EPHB1: variants seen among roughly 807,000 people sequenced by gnomAD.
EPHB1 encodes the protein ephrin type-B receptor 1.
EPHB1 carries 30 observed loss-of-function variants against 94.4 expected under a neutral mutation model. The observed-to-expected ratio is 0.32, with a 90% CI of 0.24 to 0.43. The LOEUF is 0.43. Ranked by LOEUF, EPHB1 falls within the 20% of genes least tolerant of loss-of-function variation. The pLI, the probability that EPHB1 is intolerant of heterozygous loss-of-function variation, is 1.00. For missense variants in EPHB1, 1,055 were observed against 1,308.3 expected, an observed-to-expected ratio of 0.81 and a Z score of 2.99; for synonymous variants, 522 against 489.1, an observed-to-expected ratio of 1.07 and a Z score of -0.89.
At chr3:134,860,172 G>GACACACACACACACACACACACACAC (rs71139560) in intron 1 of EPHB1, among the ~76,000 whole-genome samples, 1 of 139,148 alleles carries the variant, frequency 7.2e-6, no homozygotes, top group African/African-American at 2.6e-5. Flanking sequence ...CACACACACA[G>GACACACACACACACACACACACACAC]ACACACACAC....
At position 135,132,867 on chromosome 3, in the gene EPHB1, G is replaced by A. The variant is rs373296912; in HGVS notation, c.1115G>A (p.Arg372His). The A allele has an allele frequency of 1.1e-5, 17 of 1,614,028 alleles. No homozygotes were observed. The highest frequency in any genetic ancestry group is 6.7e-5 in the East Asian group (3 of 44,872). The change falls in exon 5 of 16, where the codon CGC becomes CAC. Residue 372 changes from arginine to histidine, a missense_variant. Physicochemically the swap from Arg to His is conservative, Grantham distance 29. Transcript: ENST00000398015. ...KCRADRRSCSRCDDNVEFVPR... is the reference protein window; with the variant it reads ...KCRADRRSCSHCDDNVEFVPR... ...CGGGCAGACCGCCGGAGCTGCTCCC[G>A]CTGTGACGACAATGTGGAGTTTGTG... is the stretch of plus-strand genomic sequence containing the variant.
intron 3 of EPHB1, among the ~76,000 whole-genome samples, chr3:134,991,981 C>G (rs1213508030): frequency 6.6e-6 from 1 of 152,122 alleles, no homozygotes; most frequent in East Asian, 1.9e-4. Flanking sequence ...GAAGCAGGCC[C>G]ATTTCTAGGG....
At chr3:134,901,119 A>G (rs1159932116) in intron 1 of EPHB1, among the ~76,000 whole-genome samples, 1 of 152,180 alleles carries the variant, frequency 6.6e-6, no homozygotes, top group Admixed American at 6.5e-5. Context: ...ATATTTTTAC[A>G]TTAATATGTA....
chr3:135,252,195 T>G (rs1032053618), intron 15 of EPHB1, among the ~76,000 whole-genome samples: 6 of 151,598 alleles, frequency 4.0e-5, no homozygotes, highest in African/African-American at 1.5e-4. Flanking sequence ...TATTTTATTT[T>G]TATTTTTTAA....
intron 3 of EPHB1, among the ~76,000 whole-genome samples, chr3:135,052,159 C>T (rs1403387200): frequency 6.6e-6 from 1 of 152,078 alleles, no homozygotes; most frequent in East Asian, 1.9e-4. Context: ...CAATGTTTAG[C>T]CTTGGTCAGA....
At chr3:134,894,575 T>G (rs565704242) in intron 1 of EPHB1, among the ~76,000 whole-genome samples, 1 of 152,306 alleles carries the variant, frequency 6.6e-6, no homozygotes, top group South Asian at 2.1e-4. Context: ...AGATTGTTGG[T>G]TTGATTTTCC....
At chr3:134,920,264 A>G (rs1013573733) in intron 1 of EPHB1, among the ~76,000 whole-genome samples, 4 of 152,152 alleles carry the variant, frequency 2.6e-5, no homozygotes, top group Non-Finnish European at 5.9e-5. Flanking sequence ...GCTCTCTTGC[A>G]AGGATCCTCT....
At chr3:135,125,436 T>C (rs964130932) in intron 4 of EPHB1, among the ~76,000 whole-genome samples, 4 of 148,140 alleles carry the variant, frequency 2.7e-5, no homozygotes, top group African/African-American at 1.1e-4. Flanking sequence ...AGCCCTTTCC[T>C]CTATGATGCT....
In EPHB1 at chr3:134,840,891, C is replaced by T. The variant is rs528906343; in HGVS notation, c.58+45202C>T. 7.9e-5 allele frequency among the ~76,000 whole-genome samples: 12 copies of T among 152,226 alleles called. No individual in the cohort carries two copies. In the South Asian group the frequency reaches 1.0e-3, roughly 13 times the overall value. ...AGGGTGGGATTTAGTGACCTGGCTG[C>T]GATAACCCTCCAGCTCACTTCTGGA... On this transcript the variant is annotated intron_variant, in intron 1 of 15. Coordinates refer to ENST00000398015, the MANE Select transcript of EPHB1 (RefSeq NM_004441.5).
chr3:135,248,665 A>C (rs73220299), intron 14 of EPHB1, among the ~76,000 whole-genome samples, 156 bp downstream of exon 14: 11,545 of 152,100 alleles, frequency 0.076, 570 homozygotes, highest in Middle Eastern at 0.19. Context: ...ATGAAGAAAG[A>C]CAGGAGAACA....
chr3:135,151,758 A>G (rs1941202737), intron 5 of EPHB1, among the ~76,000 whole-genome samples: 1 of 152,230 alleles, frequency 6.6e-6, no homozygotes, highest in Non-Finnish European at 1.5e-5. Context: ...AGCTTAATCA[A>G]GATAAATTAT....
At position 135,052,890 on chromosome 3, in the gene EPHB1, A is replaced by AAATAT. The variant is rs1553726757; in HGVS notation, c.806-53557_806-53556insATATA. Among the ~76,000 whole-genome samples, 11 of 54,604 alleles carry AAATAT rather than the reference A, an allele frequency of 2.0e-4. 1 individual carries two copies. The highest frequency in any genetic ancestry group is 5.3e-4 in the African/African-American group (5 of 9,350). The allele number at this position is 54,604 out of a possible 152,430, so 35.8% of individuals were successfully genotyped here. ...AAAAAAAAAAAAAAAAAAAAAAAAA[A>AAATAT]ATATATATATATATATATATGTGTG... On this transcript the variant is annotated intron_variant, in intron 3 of 15. Transcript: ENST00000398015.
intron 1 of EPHB1, among the ~76,000 whole-genome samples, chr3:134,815,949 G>T (rs1037090033): frequency 2.3e-5 from 3 of 129,672 alleles, no homozygotes; most frequent in East Asian, 2.3e-4. Flanking sequence ...TTTGTTTTTT[G>T]GGGGGCATGG....
At chr3:134,841,632 C>G (rs1417460856) in intron 1 of EPHB1, 1 of 152,196 alleles carries the variant, frequency 6.6e-6, no homozygotes, top group Non-Finnish European at 1.5e-5. Flanking sequence ...AAAGAGCTGA[C>G]TGAAACTATG....
chr3:135,198,095 A>G (rs10512946), intron 11 of EPHB1, among the ~76,000 whole-genome samples: 21,216 of 152,206 alleles, frequency 0.14, 1,971 homozygotes, highest in Middle Eastern at 0.22. Flanking sequence ...TAGGAGTTAG[A>G]AGACCCAGAT....
At chr3:135,236,643 A>G (rs1559885852) in intron 12 of EPHB1, among the ~76,000 whole-genome samples, 3 of 152,224 alleles carry the variant, frequency 2.0e-5, no homozygotes, top group African/African-American at 7.2e-5. Context: ...ATTTCATGAT[A>G]CACTCGGCCA....
chr3:134,962,736 C>T (rs1018957361), intron 3 of EPHB1, among the ~76,000 whole-genome samples: 16 of 152,104 alleles, frequency 1.1e-4, no homozygotes, highest in Non-Finnish European at 1.5e-5. Context: ...AGCCTCAGCT[C>T]ACCATGTTGA....
intron 3 of EPHB1, among the ~76,000 whole-genome samples, chr3:135,029,657 T>C (rs1936344565): frequency 6.6e-6 from 1 of 150,588 alleles, no homozygotes; most frequent in Non-Finnish European, 1.5e-5. Context: ...GCCCTTAACA[T>C]TTTTTCCTTC....
chr3:134,952,133 A>AT (rs781715295), intron 3 of EPHB1, 81 bp downstream of exon 3: 44 of 1,415,224 alleles, frequency 3.1e-5, no homozygotes, highest in Non-Finnish European at 4.2e-5. Flanking sequence ...ATTCTGGGTC[A>AT]TACAGGAACA....
Sources: gnomAD v4.1 joint callset for allele counts (sites outside exome capture counted in the v4.1 genomes callset) on GRCh38, gnomAD v4.1.1 for gene constraint, MANE v1.5 for transcripts, NCBI Gene and HGNC (gene_info 2026-07-23, HGNC 2026-07-21) for gene names.